CDHR1: variants seen among roughly 807,000 people sequenced by gnomAD.
CDHR1 encodes cadherin related family member 1.
A neutral mutation model predicts 72.1 loss-of-function variants in CDHR1; 61 were observed. The ratio of observed to expected loss-of-function variants is 0.85; its 90% CI spans 0.69 to 1.05. CDHR1 has a LOEUF of 1.05. Ranked by LOEUF, CDHR1 falls within the 50% of genes least tolerant of loss-of-function variation. The probability of loss-of-function intolerance (pLI) is 0.00; values close to 1 mark genes in which losing one functional copy is unlikely to be tolerated. For synonymous variants in CDHR1, 470 were observed against 448.1 expected (o/e 1.05, Z -0.62); for missense variants, 1,186 against 1,115.7 (o/e 1.06, Z -0.90).
intron 9 of CDHR1, 71 bp from the exon 10 acceptor site, chr10:84,205,756 T>C (rs1842213087): frequency 2.0e-6 from 2 of 1,006,336 alleles, no homozygotes; most frequent in East Asian, 2.4e-5. Flanking sequence ...TGCAGGACGA[T>C]CCTGTGGCAC....
Position 84,195,545 on chromosome 10 carries a change from A to G in CDHR1, c.107A>G (p.Asn36Ser). The G allele has an allele frequency of 1.9e-6, 3 of 1,614,162 alleles. No individual in the cohort carries two copies. Among genetic ancestry groups the G allele is most frequent in the Admixed American group, 1.7e-5 (1 of 60,034 alleles). The part of the protein sequence containing the change: ...HFFDNGVGST[N>S]GNMALFSLPE... ...TTCGACAACGGGGTCGGCAGCACCA[A>G]CGGAAACATGGCTCTGTTCAGCCTC... Residue 36 changes from asparagine to serine, a missense_variant, in exon 2 of 17, where the codon AAC (asparagine) becomes AGC (serine). Coordinates refer to ENST00000623527, the MANE Select transcript of CDHR1 (RefSeq NM_033100.4).
Position 84,213,127 on chromosome 10 carries a change from G to A in CDHR1, c.1819G>A (p.Val607Met). ...DEDAEEPNNL[V>M]DYSITHAEPA... ...GGATGCAGAGGAACCCAACAACCTG[G>A]TGGACTATTCCATCACCCATGCAGA... The change falls in exon 16 of 17, where the codon GTG (valine) becomes ATG (methionine). Residue 607 changes from valine (V) to methionine (M), a missense_variant. By Grantham distance (21) the Val-to-Met change is conservative (BLOSUM62 1). Transcript: ENST00000623527. 1 of 1,614,204 alleles carries A rather than the reference G, an allele frequency of 6.2e-7. No homozygotes were observed. Among genetic ancestry groups the A allele is most frequent in the South Asian group, 1.1e-5 (1 of 91,076 alleles).
Position 84,201,940 on chromosome 10 carries a change from G to A in CDHR1, c.639+20G>A. On this transcript the variant is annotated intron_variant, in intron 7 of 16. Transcript: ENST00000623527. ...GCCAAGGTAACACAGCAGGACAGGGGAGCATCCAGTGTCTCCTCAGCCCTT... is the reference window on the plus strand; with the variant it reads ...GCCAAGGTAACACAGCAGGACAGGGAAGCATCCAGTGTCTCCTCAGCCCTT... 1 of 1,573,732 alleles carries A rather than the reference G, an allele frequency of 6.4e-7. No individual in the cohort carries two copies. The highest frequency in any genetic ancestry group is 8.7e-7 in the Non-Finnish European group (1 of 1,155,428).
intron 9 of CDHR1, 67 bp downstream of exon 9, chr10:84,204,672 C>G: frequency 9.4e-7 from 1 of 1,065,760 alleles, no homozygotes; most frequent in Middle Eastern, 2.0e-4. Flanking sequence ...GGTTCCTCAA[C>G]CTCTCTAGAT....
At position 84,211,800 on chromosome 10, in the gene CDHR1, A is replaced by G. The variant is rs779321737; in HGVS notation, c.1553+85A>G. 2.6e-5 allele frequency: 31 copies of G among 1,211,072 alleles called. No homozygotes were observed. The Admixed American group carries it at 5.1e-4, about 20-fold the overall frequency. 75.0% of individuals were successfully genotyped at this position (1,211,072 alleles called of 1,614,324 possible). ...GGAGGAGGTCTGTGGCAGAGGCAGG[A>G]GGGGCCTGGGAGGGACAGGAGCCTG... On this transcript the variant is annotated intron_variant, in intron 14 of 16. Transcript: ENST00000623527.
intron 15 of CDHR1, chr10:84,212,885 A>C (rs1842360506): frequency 3.1e-6 from 2 of 637,916 alleles, no homozygotes. Flanking sequence ...CTGATAATGG[A>C]ATCGGCTAGC....
chr10:84,209,325 AT>A (rs1842287245), intron 12 of CDHR1, among the ~76,000 whole-genome samples: 1 of 152,204 alleles, frequency 6.6e-6, no homozygotes, highest in South Asian at 2.1e-4. Flanking sequence ...AACATATATA[AT>A]ATGTTAATAG....
rs996554469 is a variant in CDHR1 at position 84,218,243 on chromosome 10, A to G, written c.*3622A>G. 38 of 985,436 alleles carry G rather than the reference A, an allele frequency of 3.9e-5. No individual in the cohort carries two copies. In the Middle Eastern group the frequency reaches 2.1e-3, roughly 54 times the overall value. The allele number at this position is 985,436 out of a possible 1,614,324, so 61.0% of individuals were successfully genotyped here. A position where few individuals can be genotyped will look rare whatever the true frequency, so the allele number is the denominator to read the frequency against. On this transcript the variant is annotated 3_prime_UTR_variant, in exon 17 of 17. Coordinates refer to ENST00000623527, the MANE Select transcript of CDHR1 (RefSeq NM_033100.4). ...AAACAACCTAGGGAGGGGTTCTCTG[A>G]AGGGCCTAGTTTCCAGAATGAGGCG...
chr10:84,217,564 G>A lies in CDHR1; in HGVS notation c.*2943G>A. 1 of 984,114 alleles carries A rather than the reference G, an allele frequency of 1.0e-6. No homozygotes were observed. The highest frequency in any genetic ancestry group is 1.2e-6 in the Non-Finnish European group (1 of 828,746). The allele number at this position is 984,114 out of a possible 1,614,324, so 61.0% of individuals were successfully genotyped here. On this transcript the variant is annotated 3_prime_UTR_variant, in exon 17 of 17. Coordinates refer to ENST00000623527, the MANE Select transcript of CDHR1 (RefSeq NM_033100.4). The stretch of plus-strand genomic sequence containing the variant: ...GGGTGCAAAGTATGGTTGCAGAGAG[G>A]ATGAAAAGATCTAATATATGTAAAG...
intron 9 of CDHR1, 61 bp downstream of exon 9, chr10:84,204,666 C>T: frequency 8.9e-7 from 1 of 1,128,748 alleles, no homozygotes; most frequent in Non-Finnish European, 1.4e-6. Context: ...GAGCAAGGTT[C>T]CTCAACCTCT....
rs762139510 is a variant in CDHR1, at chr10:84,208,898, A to C, written c.1320+17A>C. ...ACCTTCAAGGTAGGTGGTGCCCTGA[A>C]TTCACTGCCCTGAATGGGAGGGTCC... On this transcript the variant is annotated intron_variant, in intron 12 of 16. Transcript: ENST00000623527. 6.2e-7 allele frequency: 1 copy of C among 1,612,334 alleles called. No homozygotes were observed. Among genetic ancestry groups the C allele is most frequent in the South Asian group, 1.1e-5 (1 of 90,744 alleles).
rs770122065 is a variant in CDHR1 at position 84,213,306 on chromosome 10, C to T, written c.1998C>T (p.Phe666=). The T allele has an allele frequency of 2.5e-6, 4 of 1,614,238 alleles. No individual in the cohort carries two copies. Among genetic ancestry groups the T allele is most frequent in the Non-Finnish European group, 3.4e-6 (4 of 1,180,046 alleles). ...VQAKDRGSPS[F]STTALLKIDI... ...CCAAGGACCGGGGCTCCCCATCCTT[C>T]AGCACCACAGCCTTACTCAAGATTG... Residue 666 remains phenylalanine (F), a synonymous_variant, in exon 16 of 17, where the codon TTC becomes TTT. Transcript: ENST00000623527.
chr10:84,219,384 C>T (rs1294225097), downstream of CDHR1: 7 of 1,484,542 alleles, frequency 4.7e-6, no homozygotes, highest in Non-Finnish European at 6.3e-6. Context: ...ATGCTCCTGG[C>T]TCTCCCCTGC....
rs146783539 is a variant in CDHR1, at chr10:84,208,342, C to A, written c.1132C>A (p.Arg378=). 31 of 1,614,046 alleles carry A rather than the reference C, an allele frequency of 1.9e-5. No homozygotes were observed. Among genetic ancestry groups the A allele is most frequent in the Non-Finnish European group, 2.6e-5 (31 of 1,180,046 alleles). ...NEHPPQGEIL[R]GLKITVNDSD... is the part of the protein sequence containing the mutation. ...GCACCCACCCCAGGGAGAGATCCTG[C>A]GGGGCCTCAAGATCACCGTCAATGA... is the stretch of plus-strand genomic sequence containing the variant. Residue 378 remains arginine, a synonymous_variant, in exon 11 of 17, where the codon CGG becomes AGG. Coordinates refer to ENST00000623527, the MANE Select transcript of CDHR1 (RefSeq NM_033100.4).
At chr10:84,195,949 A>T (rs1842022845) in intron 2 of CDHR1, among the ~76,000 whole-genome samples, 1 of 152,174 alleles carries the variant, frequency 6.6e-6, no homozygotes, top group Admixed American at 6.5e-5. Context: ...ATATGCAGAG[A>T]GAGGGGAGGA....
intron 3 of CDHR1, 42 bp downstream of exon 3, chr10:84,196,692 A>G (rs747573079): frequency 4.5e-5 from 72 of 1,612,602 alleles, no homozygotes; most frequent in Non-Finnish European, 5.8e-5. Flanking sequence ...CACTGCCTGT[A>G]GACAGACCTC....
chr10:84,200,514 C>T, intron 5 of CDHR1, 87 bp from the exon 6 acceptor site: 1 of 855,108 alleles, frequency 1.2e-6, no homozygotes, highest in Non-Finnish European at 2.0e-6. Context: ...CACTCCCCGA[C>T]CCCACTGCTG....
Position 84,213,226 on chromosome 10 carries a change from G to A in CDHR1, c.1918G>A (p.Ala640Thr), listed in dbSNP as rs376234008. The A allele has an allele frequency of 6.2e-7, 1 of 1,614,082 alleles. No individual in the cohort carries two copies. The highest frequency in any genetic ancestry group is 1.3e-5 in the African/African-American group (1 of 74,934). Reference protein sequence around the residue: ...WLKNSIRSLDALHNITPGRDC... With the variant: ...WLKNSIRSLDTLHNITPGRDC... The stretch of plus-strand genomic sequence containing the variant: ...CAAGAATTCCATCCGCTCCCTGGAT[G>A]CCCTGCACAACATCACACCTGGAAG... The change falls in exon 16 of 17, where the codon GCC becomes ACC. Residue 640 changes from alanine (A) to threonine (T), a missense_variant. By Grantham distance (58) the Ala-to-Thr change is moderately conservative. Transcript: ENST00000623527.
At chr10:84,206,399 C>T (rs1389701221) in intron 10 of CDHR1, among the ~76,000 whole-genome samples, 2 of 152,160 alleles carry the variant, frequency 1.3e-5, no homozygotes, top group East Asian at 1.9e-4. Flanking sequence ...TCGCTAGAGC[C>T]GGGCATGTGA....
Sources: gnomAD v4.1 joint callset for allele counts (sites outside exome capture counted in the v4.1 genomes callset) on GRCh38, gnomAD v4.1.1 for gene constraint, MANE v1.5 for transcripts, NCBI Gene and HGNC (gene_info 2026-07-23, HGNC 2026-07-21) for gene names.